Variants in EYS observed in about 807,000 individuals in gnomAD.
EYS encodes the protein EGF-like photoreceptor maintenance factor, also known as protein eyes shut homolog.
Under a neutral mutation model 282.1 loss-of-function variants are expected in EYS, and 250 were observed. The ratio of observed to expected loss-of-function variants is 0.89; its 90% confidence interval spans 0.80 to 0.98. EYS has a LOEUF of 0.98. Ranked by LOEUF, EYS falls within the 50% of genes least tolerant of loss-of-function variation. The pLI is 0.00. For synonymous variants in EYS, 1,355 were observed against 1,282.9 expected (o/e 1.06, Z -1.20); for missense variants, 4,016 against 3,709.0 (o/e 1.08, Z -2.15).
At chr6:65,558,349 G>A (rs1387780002) in intron 2 of EYS, among the ~76,000 whole-genome samples, 9 of 152,218 alleles carry the variant, frequency 5.9e-5, no homozygotes, top group South Asian at 4.1e-4. Context: ...GGCTTATGAC[G>A]GTGCCTGGGC....
chr6:64,841,490 G>T (rs936693701), intron 19 of EYS, among the ~76,000 whole-genome samples: 2 of 152,116 alleles, frequency 1.3e-5, no homozygotes, highest in Non-Finnish European at 2.9e-5. Context: ...AGGAAATGTA[G>T]TTGATGCTGG....
At chr6:64,621,434 T>C (rs777935209) in intron 23 of EYS, among the ~76,000 whole-genome samples, 1 of 152,174 alleles carries the variant, frequency 6.6e-6, no homozygotes, top group South Asian at 2.1e-4. Flanking sequence ...TTGGATAACA[T>C]AAAATTATTT....
intron 16 of EYS, among the ~76,000 whole-genome samples, chr6:64,911,617 G>T (rs1230470482): frequency 1.3e-5 from 2 of 152,086 alleles, no homozygotes; most frequent in East Asian, 3.9e-4. Context: ...AGGAAAACAT[G>T]AAACCACAGT....
intron 5 of EYS, among the ~76,000 whole-genome samples, chr6:65,449,767 C>G (rs886103546): frequency 1.3e-5 from 2 of 151,356 alleles, no homozygotes; most frequent in Non-Finnish European, 2.9e-5. Context: ...CCTTTTTTTC[C>G]TCTCATTTTC....
At chr6:63,872,797 ACT>A (rs1476115095) in intron 35 of EYS, among the ~76,000 whole-genome samples, 2 of 151,506 alleles carry the variant, frequency 1.3e-5, no homozygotes, top group East Asian at 3.9e-4. Context: ...TATTTAATGT[ACT>A]CTTTGCATCT....
At chr6:64,112,051 T>G (rs2150266962) in intron 31 of EYS, among the ~76,000 whole-genome samples, 1 of 152,188 alleles carries the variant, frequency 6.6e-6, no homozygotes, top group African/African-American at 2.4e-5. Flanking sequence ...TGGCTTTGAT[T>G]TTGTCATCCC....
intron 22 of EYS, among the ~76,000 whole-genome samples, chr6:64,686,879 A>C (rs1770157665): frequency 9.3e-6 from 1 of 107,848 alleles, no homozygotes; most frequent in African/African-American, 3.2e-5. Context: ...GTGTATATAT[A>C]TATACACACA....
At chr6:65,006,672 G>C (rs531767550) in intron 13 of EYS, among the ~76,000 whole-genome samples, 1 of 152,096 alleles carries the variant, frequency 6.6e-6, no homozygotes, top group Non-Finnish European at 1.5e-5. Flanking sequence ...ACAAAGGTCC[G>C]ACCAGAGCTA....
intron 1 of EYS, among the ~76,000 whole-genome samples, chr6:65,669,333 T>A (rs919528557): frequency 2.6e-5 from 4 of 151,882 alleles, no homozygotes; most frequent in South Asian, 2.1e-4. Flanking sequence ...TCTAGAGGCA[T>A]AAGATTTAGT....
intron 26 of EYS, among the ~76,000 whole-genome samples, chr6:64,589,256 T>G (rs901926039): frequency 6.6e-6 from 1 of 151,994 alleles, no homozygotes; most frequent in Non-Finnish European, 1.5e-5. Flanking sequence ...ATATACCAAA[T>G]AGAATGACTT....
intron 26 of EYS, among the ~76,000 whole-genome samples, chr6:64,588,837 C>A (rs1766310985): frequency 6.7e-6 from 1 of 150,018 alleles, no homozygotes; most frequent in Admixed American, 6.7e-5. Flanking sequence ...GACTAAATGA[C>A]TAGAAAGGCA....
chr6:65,416,688 C>T (rs1248496844), intron 5 of EYS, among the ~76,000 whole-genome samples: 1 of 151,802 alleles, frequency 6.6e-6, no homozygotes, highest in Non-Finnish European at 1.5e-5. Flanking sequence ...CAAAAATTTC[C>T]GAAGCAATTC....
chr6:64,342,507 G>C (rs1771162687), intron 29 of EYS, among the ~76,000 whole-genome samples: 3 of 151,866 alleles, frequency 2.0e-5, no homozygotes, highest in African/African-American at 7.3e-5. Context: ...TTACAAACAA[G>C]CAAATGCTGA....
chr6:64,756,457 T>G (rs1487608140), intron 22 of EYS, among the ~76,000 whole-genome samples: 1 of 152,150 alleles, frequency 6.6e-6, no homozygotes, highest in African/African-American at 2.4e-5. Flanking sequence ...CATAATGCCT[T>G]ATAGCCTGGT....
At chr6:64,333,823 C>G (rs955134508) in intron 29 of EYS, among the ~76,000 whole-genome samples, 2 of 152,274 alleles carry the variant, frequency 1.3e-5, no homozygotes, top group African/African-American at 4.8e-5. Context: ...AATGTGTTTA[C>G]CCAGCTAGCC....
At chr6:65,031,217 C>T (rs1583416437) in intron 13 of EYS, among the ~76,000 whole-genome samples, 1 of 150,622 alleles carries the variant, frequency 6.6e-6, no homozygotes, top group East Asian at 1.9e-4. Context: ...CACTGGAGCA[C>T]CCAGGTTCAT....
chr6:65,466,595 A>G lies in EYS; in HGVS notation c.862+23999T>C, dbSNP rs1260585512. Among the ~76,000 whole-genome samples the G allele has an allele frequency of 3.3e-5, 5 of 152,288 alleles. No homozygotes were observed. In the East Asian group the frequency reaches 9.6e-4, roughly 29 times the overall value. On this transcript the variant is annotated intron_variant, in intron 5 of 42. Coordinates refer to ENST00000503581, the MANE Select transcript of EYS (RefSeq NM_001142800.2). ...GGTCTTGGTCAAACCAAAATGAAAA[A>G]AAAAAAGGAAATAAGAGATATTTGG...
At position 64,817,989 on chromosome 6, in the gene EYS, C is replaced by A. The variant is rs185527689; in HGVS notation, c.3243+3656G>T. 3.4e-3 allele frequency among the ~76,000 whole-genome samples: 524 copies of A among 152,230 alleles called. 5 individuals carry two copies. The highest frequency in any genetic ancestry group is 0.012 in the African/African-American group (482 of 41,548). ...GCAATATATTCACTACGAGTTAAAG[C>A]ACGAATTCTCTTATTTCTACTTCAT... On this transcript the variant is annotated intron_variant, in intron 21 of 42. Transcript: ENST00000503581.
intron 5 of EYS, among the ~76,000 whole-genome samples, chr6:65,464,159 G>A (rs567179690): frequency 6.6e-6 from 1 of 152,198 alleles, no homozygotes; most frequent in South Asian, 2.1e-4. Flanking sequence ...TTAATGCAGA[G>A]ATCATTCAAA....
Sources: gnomAD v4.1 joint callset for allele counts (sites outside exome capture counted in the v4.1 genomes callset) on GRCh38, gnomAD v4.1.1 for gene constraint, MANE v1.5 for transcripts, NCBI Gene and HGNC (gene_info 2026-07-23, HGNC 2026-07-21) for gene names.